The following CES5A variants were observed in gnomAD, a reference collection of about 807,000 sequenced individuals.
CES5A encodes the protein carboxylesterase 5.
A neutral mutation model predicts 62.9 loss-of-function variants in CES5A; 67 were observed. The observed-to-expected ratio is 1.07, with a 90% CI of 0.88 to 1.31. The LOEUF is 1.31. Ranked by LOEUF, CES5A falls within the 50% of genes most tolerant of loss-of-function variation. The pLI is 0.00. For missense variants in CES5A, 748 were observed against 708.5 expected (o/e 1.06, Z -0.63); for synonymous variants, 296 against 280.8 (o/e 1.05, Z -0.54).
chr16:55,861,925 G>C (rs1336708478), intron 6 of CES5A, among the ~76,000 whole-genome samples: 1 of 152,114 alleles, frequency 6.6e-6, no homozygotes, highest in Non-Finnish European at 1.5e-5. Flanking sequence ...AGCAGCTTTG[G>C]AAGCTCCTTC....
chr16:55,905,039 G>C (rs138909948), intron 1 of CES5A, among the ~76,000 whole-genome samples: 300 of 152,266 alleles, frequency 2.0e-3, no homozygotes, highest in Middle Eastern at 6.8e-3. Context: ...CCACACCCAA[G>C]CTCTATCCAT....
chr16:55,926,090 T>C (rs1392981620), upstream of CES5A, among the ~76,000 whole-genome samples: 1 of 152,160 alleles, frequency 6.6e-6, no homozygotes, highest in Non-Finnish European at 1.5e-5. Context: ...TAACATTCTA[T>C]CATACATTTT....
At chr16:55,942,992 G>T (rs1482223691) in intron 2 of CES5A, among the ~76,000 whole-genome samples, 1 of 152,156 alleles carries the variant, frequency 6.6e-6, no homozygotes, top group Admixed American at 6.5e-5. Flanking sequence ...TCAGAACAGT[G>T]GTTGCCTGCG....
At chr16:55,855,353 C>T (rs2033219121) in intron 9 of CES5A, among the ~76,000 whole-genome samples, 1 of 152,240 alleles carries the variant, frequency 6.6e-6, no homozygotes, top group African/African-American at 2.4e-5. Context: ...AACAATCCAT[C>T]TCTATATCCT....
At chr16:55,952,589 CAT>C (rs1354224822) in intron 1 of CES5A, among the ~76,000 whole-genome samples, 2 of 151,990 alleles carry the variant, frequency 1.3e-5, no homozygotes, top group African/African-American at 4.8e-5. Context: ...GTAATAGAGA[CAT>C]AGTATACAAA....
chr16:55,948,165 C>A (rs918389098), intron 2 of CES5A, among the ~76,000 whole-genome samples: 2 of 152,070 alleles, frequency 1.3e-5, no homozygotes, highest in South Asian at 4.1e-4. Context: ...GAGACACAAG[C>A]CACAATAGGA....
chr16:55,873,920 G>A lies in CES5A; in HGVS notation c.191C>T (p.Ala64Val), dbSNP rs768536953. The A allele has an allele frequency of 4.9e-5, 79 of 1,613,786 alleles. No homozygotes were observed. Among genetic ancestry groups the A allele is most frequent in the Non-Finnish European group, 6.4e-5 (75 of 1,180,014 alleles). The part of the protein sequence containing the change: ...VNVFLGVPFA[A>V]PPLGSLRFTN... ...AAATCGCAGGGATCCCAGCGGGGGA[G>A]CAGCAAAGGGGACTCCGAGGAACAC... The change falls in exon 2 of 13, where the codon GCT becomes GTT. Residue 64 changes from alanine to valine, a missense_variant. Physicochemically the swap from Ala to Val is moderately conservative, Grantham distance 64. Coordinates refer to ENST00000290567, the MANE Select transcript of CES5A (RefSeq NM_001143685.2).
chr16:55,939,904 A>G (rs2034428986), intron 2 of CES5A, among the ~76,000 whole-genome samples: 1 of 152,156 alleles, frequency 6.6e-6, no homozygotes, highest in Admixed American at 6.5e-5. Flanking sequence ...CATATTAAAC[A>G]ACACACTTCT....
chr16:55,931,666 T>C (rs141286296), intron 2 of CES5A, among the ~76,000 whole-genome samples: 1 of 152,280 alleles, frequency 6.6e-6, no homozygotes, highest in African/African-American at 2.4e-5. Flanking sequence ...TAGCCCTCTG[T>C]CCTTTGGGGC....
chr16:55,938,413 G>A (rs1326070846), intron 2 of CES5A, among the ~76,000 whole-genome samples: 4 of 151,912 alleles, frequency 2.6e-5, no homozygotes, highest in Non-Finnish European at 5.9e-5. Context: ...GCTGCCCTAG[G>A]GCTTAAGGGG....
chr16:55,932,087 T>C (rs1437493204), intron 2 of CES5A, among the ~76,000 whole-genome samples: 1 of 152,212 alleles, frequency 6.6e-6, no homozygotes, highest in East Asian at 1.9e-4. Context: ...ACTGGGTTGG[T>C]TATCACAAGA....
At chr16:55,879,856 G>A (rs1378626933), upstream of CES5A, among the ~76,000 whole-genome samples, 1 of 152,190 alleles carries the variant, frequency 6.6e-6, no homozygotes, top group East Asian at 1.9e-4. Context: ...GCCTCCCAAA[G>A]CTCTGGGATT....
At position 55,871,758 on chromosome 16, in the gene CES5A, A is replaced by G; in HGVS notation, c.284T>C (p.Leu95Pro). 1 of 1,614,032 alleles carries G rather than the reference A, an allele frequency of 6.2e-7. No individual in the cohort carries two copies. The highest frequency in any genetic ancestry group is 8.5e-7 in the Non-Finnish European group (1 of 1,179,922). Residue 95 changes from leucine (L) to proline (P), a missense_variant, in exon 3 of 13, where the codon CTC (leucine) becomes CCC (proline). Leu to Pro is a moderately conservative substitution (Grantham distance 98, BLOSUM62 -3). Coordinates refer to ENST00000290567, the MANE Select transcript of CES5A (RefSeq NM_001143685.2). ...REATSYPNLC[L>P]QNSEWLLLDQ... ...TAAGAGCAGCCACTCTGAGTTCTGGAGGCACCTTGGAGAAGGAGAGGAGAA... is the reference window on the plus strand; with the variant it reads ...TAAGAGCAGCCACTCTGAGTTCTGGGGGCACCTTGGAGAAGGAGAGGAGAA...
At chr16:55,872,096 C>G (rs139531716) in intron 2 of CES5A, among the ~76,000 whole-genome samples, 46 of 152,180 alleles carry the variant, frequency 3.0e-4, no homozygotes, top group Non-Finnish European at 1.5e-4. Flanking sequence ...GCTGGCCCAA[C>G]AATTCCCCAA....
In CES5A at chr16:55,900,345, A is replaced by T. The variant is rs1165315328; in HGVS notation, c.-256+24978T>A. On this transcript the variant is annotated intron_variant, in intron 1 of 12. Coordinates refer to the CES5A transcript ENST00000518005. Reference sequence around the variant, plus strand: ...ACCTTATCTTCAAACAGCCATGCAAAGTAAGGCCAGCTGTAGGGAACTAAG... The same window carrying T: ...ACCTTATCTTCAAACAGCCATGCAATGTAAGGCCAGCTGTAGGGAACTAAG... 2.0e-5 allele frequency among the ~76,000 whole-genome samples: 3 copies of T among 152,232 alleles called. No homozygotes were observed. The East Asian group carries it at 5.8e-4, about 29-fold the overall frequency.
intron 2 of CES5A, among the ~76,000 whole-genome samples, chr16:55,934,764 G>A (rs1198410028): frequency 6.6e-6 from 1 of 152,024 alleles, no homozygotes; most frequent in Non-Finnish European, 1.5e-5. Context: ...GACTATGGAA[G>A]CTGTGAAGTC....
chr16:55,913,205 C>T (rs2034112667), intron 1 of CES5A, among the ~76,000 whole-genome samples: 1 of 151,774 alleles, frequency 6.6e-6, no homozygotes, highest in Non-Finnish European at 1.5e-5. Context: ...ATAGGGGGGT[C>T]GAAGTGAGTT....
intron 1 of CES5A, among the ~76,000 whole-genome samples, chr16:55,884,653 A>T (rs931351719): frequency 1.3e-5 from 2 of 151,962 alleles, no homozygotes; most frequent in Admixed American, 6.6e-5. Flanking sequence ...GTGCAATAGC[A>T]TGATCACAGT....
intron 11 of CES5A, 134 bp downstream of exon 11, chr16:55,849,490 C>G (rs530400622): frequency 2.1e-6 from 2 of 945,740 alleles, no homozygotes; most frequent in Admixed American, 2.4e-5. Flanking sequence ...AGGGCATTTT[C>G]CAGAGAAAGG....
Sources: gnomAD v4.1 joint callset for allele counts (sites outside exome capture counted in the v4.1 genomes callset) on GRCh38, gnomAD v4.1.1 for gene constraint, MANE v1.5 for transcripts, NCBI Gene and HGNC (gene_info 2026-07-23, HGNC 2026-07-21) for gene names.